CRTAP: variants seen among roughly 807,000 people sequenced by gnomAD.
CRTAP encodes the protein cartilage-associated protein.
CRTAP carries 33 observed loss-of-function variants against 42.7 expected under a neutral mutation model. The ratio of observed to expected loss-of-function variants is 0.77; its 90% confidence interval spans 0.59 to 1.03. The LOEUF (loss-of-function observed/expected upper bound fraction) is 1.03, where lower values mean the gene tolerates loss of function less well. CRTAP is among the 50% of genes least tolerant of loss of function. CRTAP has a pLI of 0.00. For synonymous variants in CRTAP, 243 were observed against 217.7 expected (o/e 1.12, Z -1.02); for missense variants, 613 against 533.9 (o/e 1.15, Z -1.46).
chr3:33,129,891 A>G (rs758330236), intron 3 of CRTAP, 48 bp from the exon 4 acceptor site: 2 of 1,588,800 alleles, frequency 1.3e-6, no homozygotes, highest in East Asian at 2.2e-5. Context: ...TAGCATATTA[A>G]GAAAGTAATG....
At chr3:33,123,269 T>A (rs758661791) in intron 2 of CRTAP, among the ~76,000 whole-genome samples, 2 of 152,160 alleles carry the variant, frequency 1.3e-5, no homozygotes, top group African/African-American at 2.4e-5. Context: ...TGGATCTGTG[T>A]CTCCACCTAA....
intron 4 of CRTAP, among the ~76,000 whole-genome samples, chr3:33,131,220 G>A (rs1360768375): frequency 6.6e-6 from 1 of 150,870 alleles, no homozygotes; most frequent in East Asian, 1.9e-4. Flanking sequence ...GGTGATCTTG[G>A]CTTTAGCCCT....
rs145644749 is a variant in CRTAP, at chr3:33,124,519, G to A, written c.733G>A (p.Ala245Thr). 2.3e-5 allele frequency: 37 copies of A among 1,614,052 alleles called. No homozygotes were observed. The highest frequency in any genetic ancestry group is 2.2e-5 in the East Asian group (1 of 44,896). The change falls in exon 3 of 7, where the codon GCA becomes ACA. Residue 245 changes from alanine (A) to threonine (T), a missense_variant. Coordinates refer to ENST00000320954, the MANE Select transcript of CRTAP (RefSeq NM_006371.5). ...DFFKAFYECL[A>T]ACEGSREIKD... ...CTTCAAAGCCTTTTACGAGTGTCTC[G>A]CAGCCTGCGAGGGTTCCAGGGAGAT...
rs1385057127 is a variant in CRTAP at position 33,146,950 on chromosome 3, A to G, written c.*4502A>G. On this transcript the variant is annotated 3_prime_UTR_variant, in exon 7 of 7. Coordinates refer to ENST00000320954, the MANE Select transcript of CRTAP (RefSeq NM_006371.5). ...GAAAAGGTGGATTGGTGCCAGAGAA[A>G]ACATTATTTAATAGTGTCAGAACAT... The G allele has an allele frequency of 6.6e-6, 1 of 152,604 alleles. No homozygotes were observed. The highest frequency in any genetic ancestry group is 1.5e-5 in the Non-Finnish European group (1 of 68,024). The allele number at this position is 152,604 out of a possible 1,614,324, so 9.5% of individuals were successfully genotyped here. A position where few individuals can be genotyped will look rare whatever the true frequency, so the allele number is the denominator to read the frequency against.
rs1235958549 is a variant in CRTAP, at chr3:33,146,621, C to T, written c.*4173C>T. 2 of 152,220 alleles carry T rather than the reference C, an allele frequency of 1.3e-5. No individual in the cohort carries two copies. Among genetic ancestry groups the T allele is most frequent in the African/African-American group, 2.4e-5 (1 of 41,460 alleles). 9.4% of individuals were successfully genotyped at this position (152,220 alleles called of 1,614,324 possible). On this transcript the variant is annotated 3_prime_UTR_variant, in exon 7 of 7. Coordinates refer to ENST00000320954, the MANE Select transcript of CRTAP (RefSeq NM_006371.5). The stretch of plus-strand genomic sequence containing the variant: ...ACCTGTTGTGCTCACCTCTGGAATT[C>T]AGAAAGAGAGCCACTGCGAGCACTG...
At chr3:33,130,244 A>T (rs969309524) in intron 4 of CRTAP, among the ~76,000 whole-genome samples, 177 bp downstream of exon 4, 1 of 152,212 alleles carries the variant, frequency 6.6e-6, no homozygotes, top group East Asian at 1.9e-4. Flanking sequence ...AGAGCCTGTA[A>T]CCACAGTGCC....
At chr3:33,126,186 A>C (rs577799502) in intron 3 of CRTAP, among the ~76,000 whole-genome samples, 1 of 152,080 alleles carries the variant, frequency 6.6e-6, no homozygotes, top group East Asian at 1.9e-4. Context: ...GAATTTGACT[A>C]CTCTAGATAC....
rs768482278 is a variant in CRTAP at position 33,114,192 on chromosome 3, G to T, written c.115G>T (p.Asp39Tyr). The T allele has an allele frequency of 5.6e-6, 9 of 1,593,458 alleles. No homozygotes were observed. Among genetic ancestry groups the T allele is most frequent in the Non-Finnish European group, 7.7e-6 (9 of 1,176,406 alleles). Residue 39 changes from aspartate (D) to tyrosine (Y), a missense_variant, in exon 1 of 7, where the codon GAC becomes TAC. Physicochemically the swap from Asp to Tyr is radical, Grantham distance 160. Transcript: ENST00000320954. ...CTACAGCTTCCGCAGCTTCCCACGG[G>T]ACGAGCTGATGCCGCTCGAGTCGGC... The part of the protein sequence containing the change: ...ERYSFRSFPR[D>Y]ELMPLESAYR...
In CRTAP at chr3:33,144,322, G is replaced by A. The variant is rs1163173545; in HGVS notation, c.*1874G>A. ...GGGTAAGTATGGAATTTGGTGCAAA[G>A]CAGGCTGTCTGTGGTTGGAATGGGA... On this transcript the variant is annotated 3_prime_UTR_variant, in exon 7 of 7. Transcript: ENST00000320954. The A allele has an allele frequency of 6.6e-6, 1 of 152,316 alleles. No individual in the cohort carries two copies. The highest frequency in any genetic ancestry group is 1.9e-4 in the East Asian group (1 of 5,200). The allele number at this position is 152,316 out of a possible 1,614,324, so 9.4% of individuals were successfully genotyped here. A position where few individuals can be genotyped will look rare whatever the true frequency, so the allele number is the denominator to read the frequency against.
chr3:33,116,545 G>T (rs775332367), intron 1 of CRTAP, among the ~76,000 whole-genome samples: 10 of 152,114 alleles, frequency 6.6e-5, no homozygotes, highest in Non-Finnish European at 1.3e-4. Flanking sequence ...TTTTAGTAGA[G>T]ATGGGGTTTC....
chr3:33,120,764 A>G (rs1211750669), intron 2 of CRTAP, among the ~76,000 whole-genome samples: 1 of 152,240 alleles, frequency 6.6e-6, no homozygotes, highest in Non-Finnish European at 1.5e-5. Flanking sequence ...AAGAGGGTAG[A>G]TTAAAGACAT....
intron 3 of CRTAP, among the ~76,000 whole-genome samples, chr3:33,128,963 A>T (rs1366563405): frequency 6.6e-6 from 1 of 152,190 alleles, no homozygotes; most frequent in Non-Finnish European, 1.5e-5. Context: ...GCTGCATGGG[A>T]ATTGTAGTCT....
At position 33,114,156 on chromosome 3, in the gene CRTAP, C is replaced by T; in HGVS notation, c.79C>T (p.Gln27Ter). Residue 27 changes from glutamine to a stop codon, truncating the protein, a stop_gained, in exon 1 of 7, where the codon CAA becomes TAA. Coordinates refer to ENST00000320954, the MANE Select transcript of CRTAP (RefSeq NM_006371.5). LOFTEE classifies it high-confidence loss of function. The stretch of plus-strand genomic sequence containing the variant: ...CTGCGCGCTGCGCGCCGGGCGCGCC[C>T]AATACGAACGCTACAGCTTCCGCAG... ...VACALRAGRA[Q>*]YERYSFRSFP... 1 of 1,585,314 alleles carries T rather than the reference C, an allele frequency of 6.3e-7. No individual in the cohort carries two copies. Among genetic ancestry groups the T allele is most frequent in the African/African-American group, 1.4e-5 (1 of 72,662 alleles).
At chr3:33,134,047 G>A (rs892463915) in intron 5 of CRTAP, 135 bp from the exon 6 acceptor site, 80 of 703,082 alleles carry the variant, frequency 1.1e-4, no homozygotes, top group African/African-American at 9.8e-4. Context: ...ATTCAGAGTT[G>A]TACAGCCATT....
chr3:33,119,196 TG>T (rs924568718), intron 1 of CRTAP, among the ~76,000 whole-genome samples: 1 of 152,180 alleles, frequency 6.6e-6, no homozygotes, highest in African/African-American at 2.4e-5. Flanking sequence ...GAGGAAAATG[TG>T]AATTAATTTT....
rs771061593 is a variant in CRTAP, at chr3:33,132,670, C to T, written c.1038C>T (p.Gly346=). ...ACCAGTACCACAGGGACACTTGGGG[C>T]CTCTCGGATGAGCACTTCCAGCCCA... ...VYYQYHRDTW[G]LSDEHFQPRP... The change falls in exon 5 of 7, where the codon GGC becomes GGT. Residue 346 remains glycine (G), a synonymous_variant. Coordinates refer to ENST00000320954, the MANE Select transcript of CRTAP (RefSeq NM_006371.5). The T allele has an allele frequency of 6.2e-7, 1 of 1,614,114 alleles. No homozygotes were observed. The highest frequency in any genetic ancestry group is 8.5e-7 in the Non-Finnish European group (1 of 1,179,994).
rs192758495 is a variant in CRTAP, at chr3:33,142,317, G to A, written c.1153-78G>A. On this transcript the variant is annotated intron_variant, in intron 6 of 6. Transcript: ENST00000320954. ...AAGCAGACAGTGGTGATGGCCTCTCGGGATACTGTTTCTGCTCATCAGTAC... is the reference window on the plus strand; with the variant it reads ...AAGCAGACAGTGGTGATGGCCTCTCAGGATACTGTTTCTGCTCATCAGTAC... The A allele has an allele frequency of 3.9e-4, 518 of 1,335,612 alleles. 7 individuals carry two copies. The Middle Eastern group carries it at 0.012, about 30-fold the overall frequency. 82.7% of individuals were successfully genotyped at this position (1,335,612 alleles called of 1,614,324 possible). A position where few individuals can be genotyped will look rare whatever the true frequency, so the allele number is the denominator to read the frequency against.
intron 4 of CRTAP, 120 bp downstream of exon 4, chr3:33,130,187 G>GT: frequency 2.0e-6 from 2 of 1,010,116 alleles, no homozygotes; most frequent in Non-Finnish European, 3.0e-6. Context: ...GACAACCCTG[G>GT]TGCTATGCTT....
intron 4 of CRTAP, 81 bp downstream of exon 4, chr3:33,130,148 C>T (rs536437855): frequency 1.5e-5 from 21 of 1,425,606 alleles, no homozygotes; most frequent in South Asian, 1.2e-4. Context: ...CTCTTAGCTA[C>T]GGTTGTTGAG....
Sources: allele counts gnomAD v4.1 joint callset (sites outside exome capture counted in the v4.1 genomes callset), GRCh38; gene constraint gnomAD v4.1.1; transcripts MANE v1.5; gene names NCBI Gene and HGNC (gene_info 2026-07-23, HGNC 2026-07-21).